Variants in CENPP observed in about 807,000 individuals in gnomAD.
CENPP encodes centromere protein P.
In CENPP, 24 loss-of-function variants were observed where a neutral mutation model predicts 35.6. That is an observed-to-expected ratio of 0.67 (90% CI 0.49 to 0.95). The LOEUF (loss-of-function observed/expected upper bound fraction) is 0.95. Ranked by LOEUF, CENPP falls within the 40% of genes least tolerant of loss-of-function variation. The pLI is 0.00. For missense variants in CENPP, 332 were observed against 345.3 expected, an observed-to-expected ratio of 0.96 and a Z score of 0.31; for synonymous variants, 120 against 125.5, an observed-to-expected ratio of 0.96 and a Z score of 0.29.
intron 5 of CENPP, among the ~76,000 whole-genome samples, chr9:92,499,049 C>T (rs895193330): frequency 2.6e-5 from 4 of 152,152 alleles, no homozygotes; most frequent in African/African-American, 7.2e-5. Flanking sequence ...AGGCCAAGCT[C>T]TTTGGAGGAA....
intron 5 of CENPP, among the ~76,000 whole-genome samples, chr9:92,512,735 TAAACCCGG>T (rs2131198282): frequency 2.0e-5 from 3 of 152,358 alleles, no homozygotes; most frequent in African/African-American, 7.2e-5. Flanking sequence ...AGTCAATTTT[TAAACCCGG>T]AAAGTGAGCA....
At chr9:92,333,495 C>G (rs1012189420) in intron 2 of CENPP, among the ~76,000 whole-genome samples, 23 of 152,186 alleles carry the variant, frequency 1.5e-4, no homozygotes, top group African/African-American at 5.3e-4. Context: ...TGGGAGATTT[C>G]AGACAGGGAC....
intron 2 of CENPP, among the ~76,000 whole-genome samples, chr9:92,334,528 T>G (rs912516898): frequency 2.0e-5 from 3 of 152,204 alleles, no homozygotes; most frequent in African/African-American, 7.2e-5. Flanking sequence ...TTTGAAGGAC[T>G]AATCCTCTTC....
intron 5 of CENPP, chr9:92,459,815 G>A (rs1358731092): frequency 1.3e-6 from 2 of 1,583,872 alleles, no homozygotes; most frequent in African/African-American, 1.4e-5. Flanking sequence ...AGATGGTTAG[G>A]TGTGATAGAG....
At chr9:92,345,441 G>A (rs1439167794) in intron 3 of CENPP, among the ~76,000 whole-genome samples, 3 of 148,212 alleles carry the variant, frequency 2.0e-5, no homozygotes, top group Admixed American at 6.7e-5. Context: ...GCGGTGAGCC[G>A]AGATCGCGCC....
chr9:92,594,655 A>G (rs142530003), intron 5 of CENPP, among the ~76,000 whole-genome samples: 92 of 152,048 alleles, frequency 6.1e-4, no homozygotes, highest in African/African-American at 2.2e-3. Context: ...CAAAATTTCA[A>G]CTTAAAATTT....
intron 5 of CENPP, chr9:92,522,923 G>T (rs1848168132): frequency 6.6e-7 from 1 of 1,518,094 alleles, no homozygotes; most frequent in Non-Finnish European, 8.7e-7. Flanking sequence ...CAAAGTTAGT[G>T]GTGACTAAAT....
At chr9:92,470,281 C>T (rs1413523248) in intron 5 of CENPP, among the ~76,000 whole-genome samples, 1 of 152,172 alleles carries the variant, frequency 6.6e-6, no homozygotes, top group African/African-American at 2.4e-5. Context: ...CTGTGTGCTG[C>T]TGTTAGAGAT....
chr9:92,587,113 A>C (rs1315317495), intron 5 of CENPP, among the ~76,000 whole-genome samples: 1 of 152,182 alleles, frequency 6.6e-6, no homozygotes, highest in Non-Finnish European at 1.5e-5. Flanking sequence ...CTCAGAGAAA[A>C]AAGAAAAAAA....
At chr9:92,456,505 T>A (rs553775730) in intron 5 of CENPP, 1 of 152,760 alleles carries the variant, frequency 6.5e-6, no homozygotes, top group African/African-American at 2.4e-5. Flanking sequence ...GGCAATGTTA[T>A]ATAGCCTAAC....
At chr9:92,343,572 G>A (rs1198216878) in intron 3 of CENPP, among the ~76,000 whole-genome samples, 10 of 152,122 alleles carry the variant, frequency 6.6e-5, no homozygotes, top group African/African-American at 2.4e-4. Context: ...AGGCTCCAAA[G>A]AAAATCTGTT....
chr9:92,496,632 C>G, intron 5 of CENPP: 3 of 988,926 alleles, frequency 3.0e-6, no homozygotes, highest in South Asian at 2.0e-5. Flanking sequence ...GTCAGAGATT[C>G]AAATGTGAAA....
intron 5 of CENPP, among the ~76,000 whole-genome samples, chr9:92,489,111 TG>T (rs1846123784): frequency 6.6e-6 from 1 of 152,260 alleles, no homozygotes; most frequent in African/African-American, 2.4e-5. Context: ...TGTGACAGAC[TG>T]AAATCCAGCC....
chr9:92,499,004 A>G (rs1846518427), intron 5 of CENPP, among the ~76,000 whole-genome samples: 1 of 152,186 alleles, frequency 6.6e-6, no homozygotes, highest in Admixed American at 6.5e-5. Context: ...TCTCGTTCCC[A>G]CTTGGGGCTT....
At chr9:92,346,579 C>T (rs1323502996) in intron 4 of CENPP, among the ~76,000 whole-genome samples, 2 of 152,068 alleles carry the variant, frequency 1.3e-5, no homozygotes, top group East Asian at 3.9e-4. Context: ...CCAAGTGAAA[C>T]TATTGAAAAG....
Position 92,345,753 on chromosome 9 carries a change from A to G in CENPP, c.433A>G (p.Thr145Ala), listed in dbSNP as rs376566422. 1.2e-6 allele frequency: 2 copies of G among 1,604,350 alleles called. No homozygotes were observed. The highest frequency in any genetic ancestry group is 3.3e-5 in the Admixed American group (2 of 59,888). Residue 145 changes from threonine (T) to alanine (A), a missense_variant, in exon 4 of 8, where the codon ACA becomes GCA. Thr to Ala is a moderately conservative substitution (Grantham distance 58). Coordinates refer to ENST00000375587, the MANE Select transcript of CENPP (RefSeq NM_001012267.3). ...TGACCTCAACATAATAATGGAGCCC[A>G]CAGAATGCTCAGAATTAAGTGAATT... ...VTDLNIIMEPTECSELSEFVS... is the reference protein window; with the variant it reads ...VTDLNIIMEPAECSELSEFVS...
intron 5 of CENPP, among the ~76,000 whole-genome samples, chr9:92,382,929 T>C (rs1445961862): frequency 7.1e-6 from 1 of 141,466 alleles, no homozygotes; most frequent in African/African-American, 2.6e-5. Flanking sequence ...GACAGAGTCT[T>C]GCTCTGTCGC....
At chr9:92,387,771 C>T (rs1564291035) in intron 5 of CENPP, among the ~76,000 whole-genome samples, 2 of 150,868 alleles carry the variant, frequency 1.3e-5, no homozygotes, top group East Asian at 3.9e-4. Flanking sequence ...ATTTTCTTTT[C>T]TTTTTTTTTA....
chr9:92,517,887 C>T (rs1399765749), intron 5 of CENPP: 3 of 1,613,044 alleles, frequency 1.9e-6, no homozygotes, highest in South Asian at 2.2e-5. Flanking sequence ...TAGAAGAAAA[C>T]AAAAGCACAA....
Sources: allele counts gnomAD v4.1 joint callset (sites outside exome capture counted in the v4.1 genomes callset), GRCh38; gene constraint gnomAD v4.1.1; transcripts MANE v1.5; gene names NCBI Gene and HGNC (gene_info 2026-07-23, HGNC 2026-07-21).